Variants in NRG3 observed in about 807,000 individuals in gnomAD.
NRG3 encodes pro-neuregulin-3, membrane-bound isoform.
In NRG3, 31 loss-of-function variants were observed where a neutral mutation model predicts 66.9. The observed-to-expected ratio is 0.46, with a 90% CI of 0.35 to 0.63. NRG3 has a LOEUF of 0.63. Ranked by LOEUF, NRG3 falls within the 20% of genes least tolerant of loss-of-function variation. NRG3 has a pLI of 0.00. For missense variants in NRG3, 910 were observed against 878.9 expected, an observed-to-expected ratio of 1.04 and a Z score of -0.45; for synonymous variants, 393 against 359.4, an observed-to-expected ratio of 1.09 and a Z score of -1.06.
chr10:81,888,499 C>T (rs186702235), intron 1 of NRG3, among the ~76,000 whole-genome samples: 2 of 152,238 alleles, frequency 1.3e-5, no homozygotes, highest in Admixed American at 1.3e-4. Flanking sequence ...TCATTAAGTG[C>T]TGAAATGTGT....
At chr10:82,249,071 A>G (rs1478991446) in intron 1 of NRG3, among the ~76,000 whole-genome samples, 1 of 152,208 alleles carries the variant, frequency 6.6e-6, no homozygotes, top group Non-Finnish European at 1.5e-5. Flanking sequence ...TCTATGATCA[A>G]GCATAAGTCT....
At chr10:82,875,539 G>A (rs1026582134) in intron 4 of NRG3, among the ~76,000 whole-genome samples, 1 of 151,980 alleles carries the variant, frequency 6.6e-6, no homozygotes, top group Admixed American at 6.6e-5. Context: ...TTATTTTTTT[G>A]TAGAGATGAG....
At chr10:82,444,530 T>A (rs926876043) in intron 2 of NRG3, among the ~76,000 whole-genome samples, 3 of 152,140 alleles carry the variant, frequency 2.0e-5, no homozygotes, top group Non-Finnish European at 2.9e-5. Flanking sequence ...TGACTAGTGC[T>A]GCAATGAAGA....
At chr10:82,876,926 G>A (rs1030030166) in intron 4 of NRG3, among the ~76,000 whole-genome samples, 14 of 151,730 alleles carry the variant, frequency 9.2e-5, no homozygotes, top group Admixed American at 2.0e-4. Context: ...GGGAGGCTGC[G>A]GCAGGAGAAT....
At chr10:82,298,880 C>G (rs565402937) in intron 1 of NRG3, among the ~76,000 whole-genome samples, 1 of 152,116 alleles carries the variant, frequency 6.6e-6, no homozygotes, top group Admixed American at 6.6e-5. Flanking sequence ...TCTTCTCATA[C>G]GGAGGTGTTC....
intron 1 of NRG3, among the ~76,000 whole-genome samples, chr10:82,273,011 G>A (rs536374510): frequency 1.4e-3 from 207 of 151,974 alleles, no homozygotes; most frequent in Non-Finnish European, 2.3e-3. Context: ...TTGTCTTTTC[G>A]TCTCTTGTCC....
At chr10:82,302,166 G>C (rs2134790286) in intron 1 of NRG3, among the ~76,000 whole-genome samples, 1 of 151,542 alleles carries the variant, frequency 6.6e-6, no homozygotes, top group Admixed American at 6.6e-5. Context: ...ACCATCTGCA[G>C]CAGAAAAAGT....
At chr10:81,903,273 G>A (rs1028913261) in intron 1 of NRG3, among the ~76,000 whole-genome samples, 2 of 152,070 alleles carry the variant, frequency 1.3e-5, no homozygotes, top group African/African-American at 2.4e-5. Flanking sequence ...CCTGACCCGC[G>A]GGTACACAGC....
Position 81,875,196 on chromosome 10 carries a change from A to C in NRG3, c.-145A>C. ...GGAGGGGCGTGGGGGCAGGGAGCGG[A>C]TTTGCATGCGGCCGCCGCGGCCGCT... On this transcript the variant is annotated 5_prime_UTR_variant, in exon 1 of 9. Coordinates refer to ENST00000372141, the MANE Select transcript of NRG3 (RefSeq NM_001010848.4). This position sits in a 1 kb window ranked among gnomAD's most constrained non-coding sequence, Gnocchi z 5.3. 1 of 242,506 alleles carries C rather than the reference A, an allele frequency of 4.1e-6. No individual in the cohort carries two copies. The highest frequency in any genetic ancestry group is 6.4e-6 in the Non-Finnish European group (1 of 156,898). The allele number at this position is 242,506 out of a possible 1,614,324, so 15.0% of individuals were successfully genotyped here.
intron 1 of NRG3, among the ~76,000 whole-genome samples, chr10:82,157,894 C>A (rs1351212018): frequency 1.3e-5 from 2 of 151,540 alleles, no homozygotes; most frequent in Non-Finnish European, 3.0e-5. Flanking sequence ...AGAATACAAC[C>A]CAAACATTAT....
At chr10:82,083,691 T>A (rs1232547816) in intron 1 of NRG3, among the ~76,000 whole-genome samples, 1 of 151,484 alleles carries the variant, frequency 6.6e-6, no homozygotes, top group Non-Finnish European at 1.5e-5. Flanking sequence ...ACCTCCTAGG[T>A]TCGAGTGATT....
At chr10:82,875,314 T>C (rs1841711107) in intron 4 of NRG3, among the ~76,000 whole-genome samples, 1 of 152,212 alleles carries the variant, frequency 6.6e-6, no homozygotes, top group African/African-American at 2.4e-5. Context: ...TTACACAATA[T>C]TGTTTTCTCA....
chr10:82,032,480 A>G (rs1273917003), intron 1 of NRG3, among the ~76,000 whole-genome samples: 1 of 152,026 alleles, frequency 6.6e-6, no homozygotes, highest in Non-Finnish European at 1.5e-5. Flanking sequence ...AATGGAGGGA[A>G]CAGATAGATC....
chr10:82,258,360 G>A (rs2077846111), intron 1 of NRG3, among the ~76,000 whole-genome samples: 1 of 151,980 alleles, frequency 6.6e-6, no homozygotes, highest in Non-Finnish European at 1.5e-5. Context: ...TTTCTTATTA[G>A]AGTCCATTAT....
chr10:82,196,883 T>C (rs2074479091), intron 1 of NRG3, among the ~76,000 whole-genome samples: 2 of 152,174 alleles, frequency 1.3e-5, no homozygotes, highest in South Asian at 4.1e-4. Context: ...GAAAGCCTCT[T>C]AGGAATCACT....
chr10:82,188,938 A>AT (rs1224644414), intron 1 of NRG3, among the ~76,000 whole-genome samples: 1 of 152,142 alleles, frequency 6.6e-6, no homozygotes, highest in African/African-American at 2.4e-5. Context: ...ATGCAATTGG[A>AT]TTTTTTGTAG....
chr10:82,562,313 T>C (rs113781149), intron 2 of NRG3, among the ~76,000 whole-genome samples: 1 of 152,190 alleles, frequency 6.6e-6, no homozygotes, highest in African/African-American at 2.4e-5. Flanking sequence ...ACAGTCTTGA[T>C]TGGAAAAGTG....
chr10:82,784,665 A>G (rs2060267626), intron 3 of NRG3, among the ~76,000 whole-genome samples: 1 of 152,104 alleles, frequency 6.6e-6, no homozygotes, highest in South Asian at 2.1e-4. Flanking sequence ...ATACCATCTC[A>G]CACCAGTTAG....
At chr10:82,671,353 G>T (rs543973471) in intron 2 of NRG3, among the ~76,000 whole-genome samples, 2 of 152,278 alleles carry the variant, frequency 1.3e-5, no homozygotes, top group East Asian at 3.9e-4. Flanking sequence ...CAGAGTATCT[G>T]GTCTGTTTTT....
Sources: gnomAD v4.1 joint callset for allele counts (sites outside exome capture counted in the v4.1 genomes callset) on GRCh38, gnomAD v4.1.1 for gene constraint, Gnocchi (gnomAD v3.1) non-coding constraint, MANE v1.5 for transcripts, NCBI Gene and HGNC (gene_info 2026-07-23, HGNC 2026-07-21) for gene names.